The following ZNF100 variants were observed in gnomAD, a reference collection of about 807,000 sequenced individuals.
ZNF100 encodes zinc finger protein 100.
ZNF100 carries 12 observed loss-of-function variants against 15.8 expected under a neutral mutation model. The observed-to-expected ratio is 0.76, with a 90% CI of 0.49 to 1.23. The LOEUF (loss-of-function observed/expected upper bound fraction) is 1.23, where lower values mean the gene tolerates loss of function less well. Among genes scored for constraint, ZNF100 ranks in the 50% most tolerant of loss-of-function variants. The probability of loss-of-function intolerance (pLI) is 0.00; values close to 1 mark genes in which losing one functional copy is unlikely to be tolerated. For synonymous variants in ZNF100, 226 were observed against 214.8 expected, an observed-to-expected ratio of 1.05 and a Z score of -0.45; for missense variants, 670 against 635.6, an observed-to-expected ratio of 1.05 and a Z score of -0.58.
chr19:21,724,705 AATAT>A lies in ZNF100; in HGVS notation c.*1974_*1977del, dbSNP rs932158747. 88 of 152,318 alleles carry A rather than the reference AATAT, an allele frequency of 5.8e-4. No homozygotes were observed. Among genetic ancestry groups the A allele is most frequent in the African/African-American group, 2.1e-3 (86 of 41,560 alleles). The allele number at this position is 152,318 out of a possible 1,614,324, so 9.4% of individuals were successfully genotyped here. ...ATCAAAATATGCCATATATTGCATGAATATATACTCATATTATGTACCCCAAATA... is the reference window on the plus strand; with the variant it reads ...ATCAAAATATGCCATATATTGCATGAATACTCATATTATGTACCCCAAATA... On this transcript the variant is annotated 3_prime_UTR_variant, in exon 5 of 5. Coordinates refer to ENST00000358296, the MANE Select transcript of ZNF100 (RefSeq NM_173531.4).
At chr19:21,741,280 T>C (rs1346985650) in intron 4 of ZNF100, among the ~76,000 whole-genome samples, 1 of 152,218 alleles carries the variant, frequency 6.6e-6, no homozygotes, top group East Asian at 1.9e-4. Context: ...TGTTACTTAA[T>C]GGGTATTTAG....
rs1220840594 is a variant in ZNF100 at position 21,723,263 on chromosome 19, G to A, written c.*3420C>T. 2.6e-5 allele frequency: 4 copies of A among 151,398 alleles called. No homozygotes were observed. Among genetic ancestry groups the A allele is most frequent in the Non-Finnish European group, 5.9e-5 (4 of 67,966 alleles). 9.4% of individuals were successfully genotyped at this position (151,398 alleles called of 1,614,324 possible). A position where few individuals can be genotyped will look rare whatever the true frequency, so the allele number is the denominator to read the frequency against. ...TAATCCCAGCTACTTGGGAGGCTGA[G>A]GCAGGATAATTGCTTGAACCTGGAA... On this transcript the variant is annotated 3_prime_UTR_variant, in exon 5 of 5. Transcript: ENST00000358296.
chr19:21,749,331 G>A lies in ZNF100; in HGVS notation c.97-4264C>T, dbSNP rs144623229. ...CAGAATGACTCATTTCTCTTACACC[G>A]AGACAGAAGCAGAATTAACCACTCG... is the stretch of plus-strand genomic sequence containing the variant. On this transcript the variant is annotated intron_variant, in intron 2 of 4. Transcript: ENST00000358296. Among the ~76,000 whole-genome samples the A allele has an allele frequency of 3.2e-3, 486 of 151,350 alleles. 1 individual carries two copies. Among genetic ancestry groups the A allele is most frequent in the African/African-American group, 0.011 (466 of 41,264 alleles).
intron 4 of ZNF100, among the ~76,000 whole-genome samples, chr19:21,738,921 G>GGCA: frequency 6.6e-6 from 1 of 152,106 alleles, no homozygotes; most frequent in Non-Finnish European, 1.5e-5. Context: ...CTCCAGCCTA[G>GGCA]ACTACAGAGT....
intron 4 of ZNF100, among the ~76,000 whole-genome samples, chr19:21,736,862 A>C (rs12981854): frequency 0.092 from 13,981 of 152,210 alleles, 858 homozygotes; most frequent in South Asian, 0.18. Flanking sequence ...CAAAGAGACA[A>C]TATACCAGAA....
intron 4 of ZNF100, among the ~76,000 whole-genome samples, chr19:21,732,267 A>G (rs1455250322): frequency 6.6e-6 from 1 of 152,258 alleles, no homozygotes; most frequent in Non-Finnish European, 1.5e-5. Context: ...ATTATCTTCA[A>G]ATCCCAAAGT....
intron 2 of ZNF100, among the ~76,000 whole-genome samples, chr19:21,749,898 C>G (rs1436640977): frequency 6.6e-6 from 1 of 150,868 alleles, no homozygotes; most frequent in Non-Finnish European, 1.5e-5. Context: ...CTTGTAAATC[C>G]TAGGCAGAGG....
At position 21,724,630 on chromosome 19, in the gene ZNF100, G is replaced by A. The variant is rs2035741857; in HGVS notation, c.*2053C>T. 6.6e-6 allele frequency: 1 copy of A among 151,754 alleles called. No homozygotes were observed. Among genetic ancestry groups the A allele is most frequent in the African/African-American group, 2.4e-5 (1 of 41,234 alleles). 9.4% of individuals were successfully genotyped at this position (151,754 alleles called of 1,614,324 possible). A position where few individuals can be genotyped will look rare whatever the true frequency, so the allele number is the denominator to read the frequency against. ...AATACAAAGGATAAATACTAGAGGT[G>A]ATGGATACCTCATTTACCCTGATGT... On this transcript the variant is annotated 3_prime_UTR_variant, in exon 5 of 5. Transcript: ENST00000358296.
At position 21,727,484 on chromosome 19, in the gene ZNF100, A is replaced by G; in HGVS notation, c.828T>C (p.Leu276=). 2 of 1,613,434 alleles carry G rather than the reference A, an allele frequency of 1.2e-6. No homozygotes were observed. Among genetic ancestry groups the G allele is most frequent in the Non-Finnish European group, 1.7e-6 (2 of 1,179,780 alleles). Residue 276 remains leucine (L), a synonymous_variant, in exon 5 of 5, where the codon CTT becomes CTC. Transcript: ENST00000358296. ...CAGTATGAATTATCTTATGTGTAGTAAGGTGTGAGGACCGGTTAAATGCTT... is the reference window on the plus strand; with the variant it reads ...CAGTATGAATTATCTTATGTGTAGTGAGGTGTGAGGACCGGTTAAATGCTT... The part of the protein sequence containing the change: ...CGKAFNRSSH[L]TTHKIIHTGE...
At chr19:21,744,786 T>C (rs1054407223) in intron 3 of ZNF100, among the ~76,000 whole-genome samples, 155 bp downstream of exon 3, 4 of 151,168 alleles carry the variant, frequency 2.6e-5, no homozygotes, top group African/African-American at 9.7e-5. Flanking sequence ...ATGAAACATC[T>C]TGAATACATT....
chr19:21,731,965 A>G (rs573689539), intron 4 of ZNF100, among the ~76,000 whole-genome samples: 6 of 152,216 alleles, frequency 3.9e-5, no homozygotes, highest in Admixed American at 1.3e-4. Context: ...AAAATATTTG[A>G]TAATGGGCCT....
Position 21,736,527 on chromosome 19 carries a change from G to A in ZNF100, c.322+7490C>T, listed in dbSNP as rs189201124. Among the ~76,000 whole-genome samples, 17 of 152,270 alleles carry A rather than the reference G, an allele frequency of 1.1e-4. No individual in the cohort carries two copies. In the East Asian group the frequency reaches 3.3e-3, roughly 29 times the overall value. ...AAATAACAAGGATATTCAGGACTTGGACTCAGCTCTAGGTCAAGTGGACCT... is the reference window on the plus strand; with the variant it reads ...AAATAACAAGGATATTCAGGACTTGAACTCAGCTCTAGGTCAAGTGGACCT... On this transcript the variant is annotated intron_variant, in intron 4 of 4. Coordinates refer to ENST00000358296, the MANE Select transcript of ZNF100 (RefSeq NM_173531.4).
chr19:21,750,034 T>C (rs574031804), intron 2 of ZNF100, among the ~76,000 whole-genome samples: 1 of 152,166 alleles, frequency 6.6e-6, no homozygotes. Context: ...TTCTAAATAA[T>C]ATGTCTAACT....
rs150841516 is a variant in ZNF100 at position 21,748,873 on chromosome 19, T to C, written c.97-3806A>G. ...GCATGCACCACCTCGCCTAGTTAAT[T>C]TTTTGTATTTTTAGCAGAGACAGGG... On this transcript the variant is annotated intron_variant, in intron 2 of 4. Transcript: ENST00000358296. Among the ~76,000 whole-genome samples, 1,166 of 152,208 alleles carry C rather than the reference T, an allele frequency of 7.7e-3. 17 individuals carry two copies. The highest frequency in any genetic ancestry group is 0.027 in the African/African-American group (1,110 of 41,534).
chr19:21,737,903 T>C (rs1360177063), intron 4 of ZNF100, among the ~76,000 whole-genome samples: 1 of 152,102 alleles, frequency 6.6e-6, no homozygotes, highest in Non-Finnish European at 1.5e-5. Context: ...ATATCCAACC[T>C]GGCAGAGATA....
intron 4 of ZNF100, among the ~76,000 whole-genome samples, chr19:21,732,150 G>A (rs530973925): frequency 4.6e-5 from 7 of 151,858 alleles, no homozygotes; most frequent in Admixed American, 3.3e-4. Flanking sequence ...CAGTCTTGGC[G>A]ACAGAGCGAG....
In ZNF100 at chr19:21,724,355, T is replaced by C. The variant is rs2035735758; in HGVS notation, c.*2328A>G. 1 of 152,174 alleles carries C rather than the reference T, an allele frequency of 6.6e-6. No individual in the cohort carries two copies. Among genetic ancestry groups the C allele is most frequent in the African/African-American group, 2.4e-5 (1 of 41,418 alleles). 9.4% of individuals were successfully genotyped at this position (152,174 alleles called of 1,614,324 possible). A position where few individuals can be genotyped will look rare whatever the true frequency, so the allele number is the denominator to read the frequency against. ...TTTTCTTACACTTAAGGTTTATCTT[T>C]AGACTAACATATATTTAACTATATG... On this transcript the variant is annotated 3_prime_UTR_variant, in exon 5 of 5. Transcript: ENST00000358296.
In ZNF100 at chr19:21,726,466, A is replaced by G; in HGVS notation, c.*217T>C. The G allele has an allele frequency of 1.9e-6, 1 of 515,632 alleles. No homozygotes were observed. The highest frequency in any genetic ancestry group is 3.6e-5 in the South Asian group (1 of 27,444). The allele number at this position is 515,632 out of a possible 1,614,324, so 31.9% of individuals were successfully genotyped here. On this transcript the variant is annotated 3_prime_UTR_variant, in exon 5 of 5. Transcript: ENST00000358296. Reference sequence around the variant, plus strand: ...ATTTCTAGGATTTCTCAACACTATGATTTATGTTTTGAAAAGTTTGAGGTG... The same window carrying G: ...ATTTCTAGGATTTCTCAACACTATGGTTTATGTTTTGAAAAGTTTGAGGTG...
chr19:21,727,440 C>G lies in ZNF100; in HGVS notation c.872G>C (p.Cys291Ser). The G allele has an allele frequency of 6.2e-7, 1 of 1,613,098 alleles. No individual in the cohort carries two copies. The highest frequency in any genetic ancestry group is 8.5e-7 in the Non-Finnish European group (1 of 1,179,690). The change falls in exon 5 of 5, where the codon TGT becomes TCT. Residue 291 changes from cysteine (C) to serine (S), a missense_variant. Physicochemically the swap from Cys to Ser is moderately radical, Grantham distance 112 (BLOSUM62 -1). Coordinates refer to ENST00000358296, the MANE Select transcript of ZNF100 (RefSeq NM_173531.4). ...GTTAAAAGCTTTCCCACATTCTTCACATCTGTATGGTTTCTCTCCAGTATG... is the reference window on the plus strand; with the variant it reads ...GTTAAAAGCTTTCCCACATTCTTCAGATCTGTATGGTTTCTCTCCAGTATG... ...IIHTGEKPYR[C>S]EECGKAFNRS... is the part of the protein sequence containing the mutation.
Sources: gnomAD v4.1 joint callset for allele counts (sites outside exome capture counted in the v4.1 genomes callset) on GRCh38, gnomAD v4.1.1 for gene constraint, MANE v1.5 for transcripts, NCBI Gene and HGNC (gene_info 2026-07-23, HGNC 2026-07-21) for gene names.